Variants in DNAH11 observed in about 807,000 individuals in gnomAD.
The protein encoded by DNAH11 is dynein axonemal heavy chain 11, also known as axonemal beta dynein heavy chain 11.
DNAH11 carries 442 observed loss-of-function variants against 526.0 expected under a neutral mutation model. The observed-to-expected ratio is 0.84, with a 90% CI of 0.78 to 0.91. The LOEUF is 0.91. DNAH11 is among the 40% of genes least tolerant of loss of function. The probability of loss-of-function intolerance (pLI) is 0.00; values close to 1 mark genes in which losing one functional copy is unlikely to be tolerated. For synonymous variants in DNAH11, 2,461 were observed against 1,935.9 expected (o/e 1.27, Z -7.12); for missense variants, 6,989 against 5,448.7 (o/e 1.28, Z -8.90).
chr7:21,568,501 C>T (rs892316293), intron 6 of DNAH11, among the ~76,000 whole-genome samples: 1 of 152,128 alleles, frequency 6.6e-6, no homozygotes, highest in Admixed American at 6.6e-5. Flanking sequence ...CCAGCCCCTG[C>T]GTCGGGTCAT....
chr7:21,658,029 A>C (rs1404873858), intron 29 of DNAH11, among the ~76,000 whole-genome samples: 2 of 152,166 alleles, frequency 1.3e-5, no homozygotes, highest in Non-Finnish European at 2.9e-5. Flanking sequence ...TTTGCAAATA[A>C]TATATGTATC....
intron 28 of DNAH11, among the ~76,000 whole-genome samples, chr7:21,643,577 A>G (rs1426195989): frequency 6.6e-6 from 1 of 152,206 alleles, no homozygotes; most frequent in Non-Finnish European, 1.5e-5. Flanking sequence ...CAGCTAAGGA[A>G]CTGACTTTTT....
chr7:21,651,863 GCAT>G (rs1781792636), intron 28 of DNAH11, among the ~76,000 whole-genome samples: 3 of 152,236 alleles, frequency 2.0e-5, no homozygotes, highest in South Asian at 4.1e-4. Flanking sequence ...TAACAGATGT[GCAT>G]CATCATCAGT....
Position 21,570,167 on chromosome 7 carries a change from A to C in DNAH11, c.1293A>C (p.Lys431Asn), listed in dbSNP as rs900712695. ...CTGTTAACATCTTAAAGACTTTCAAAAACTCCTTTTTCAACTATAGAAAAA... is the reference window on the plus strand; with the variant it reads ...CTGTTAACATCTTAAAGACTTTCAACAACTCCTTTTTCAACTATAGAAAAA... ...QVAVNILKTF[K>N]NSFFNYRKKL... is the part of the protein sequence containing the mutation. Residue 431 changes from lysine (K) to asparagine (N), a missense_variant, in exon 7 of 82, where the codon AAA (lysine) becomes AAC (asparagine). Physicochemically the swap from Lys to Asn is moderately conservative, Grantham distance 94. Coordinates refer to ENST00000409508, the MANE Select transcript of DNAH11 (RefSeq NM_001277115.2). 6.2e-7 allele frequency: 1 copy of C among 1,613,510 alleles called. No homozygotes were observed.
chr7:21,857,300 TG>T (rs1782889166), intron 68 of DNAH11, among the ~76,000 whole-genome samples: 2 of 152,154 alleles, frequency 1.3e-5, no homozygotes, highest in South Asian at 4.1e-4. Context: ...TCCAAAATAT[TG>T]TTGAGAAAAA....
intron 65 of DNAH11, among the ~76,000 whole-genome samples, chr7:21,841,888 G>A (rs1782217154): frequency 6.6e-6 from 1 of 152,286 alleles, no homozygotes; most frequent in African/African-American, 2.4e-5. Flanking sequence ...GTGGTAGGAG[G>A]TGCTGCTTAA....
intron 77 of DNAH11, among the ~76,000 whole-genome samples, chr7:21,893,739 C>A (rs1784409927): frequency 6.6e-6 from 1 of 152,136 alleles, no homozygotes; most frequent in African/African-American, 2.4e-5. Flanking sequence ...TTCAGAGCAA[C>A]AATTACAGAA....
intron 30 of DNAH11, among the ~76,000 whole-genome samples, chr7:21,676,539 C>T (rs898996185): frequency 6.6e-6 from 1 of 152,166 alleles, no homozygotes; most frequent in Non-Finnish European, 1.5e-5. Context: ...AAGGTTTAAT[C>T]TTGATACACA....
chr7:21,627,290 G>T (rs1786385664), intron 25 of DNAH11, among the ~76,000 whole-genome samples: 1 of 152,054 alleles, frequency 6.6e-6, no homozygotes, highest in Non-Finnish European at 1.5e-5. Context: ...GATCCTGTTT[G>T]CCCAGTTTTG....
At position 21,698,196 on chromosome 7, in the gene DNAH11, G is replaced by A; in HGVS notation, c.6163G>A (p.Glu2055Lys). 1 of 1,613,472 alleles carries A rather than the reference G, an allele frequency of 6.2e-7. No individual in the cohort carries two copies. Among genetic ancestry groups the A allele is most frequent in the South Asian group, 1.1e-5 (1 of 90,988 alleles). The part of the protein sequence containing the change: ...KFITLYTLCK[E>K]LLSKQDHYDW... ...CATTACGTTGTACACGCTTTGCAAG[G>A]AGCTTCTCTCCAAGCAGGTGAGGGA... Residue 2055 changes from glutamate to lysine, a missense_variant, in exon 36 of 82, where the codon GAG becomes AAG. Coordinates refer to ENST00000409508, the MANE Select transcript of DNAH11 (RefSeq NM_001277115.2).
chr7:21,674,895 T>C (rs181941279), intron 30 of DNAH11, among the ~76,000 whole-genome samples: 1 of 152,206 alleles, frequency 6.6e-6, no homozygotes, highest in African/African-American at 2.4e-5. Context: ...ACTTCACTAG[T>C]TGCTCACACT....
chr7:21,721,150 C>G lies in DNAH11; in HGVS notation c.7266+294C>G, dbSNP rs2965417. Among the ~76,000 whole-genome samples the G allele has an allele frequency of 5.0e-3, 767 of 152,326 alleles. 3 individuals carry two copies. Among genetic ancestry groups the G allele is most frequent in the Admixed American group, 7.4e-3 (114 of 15,304 alleles). On this transcript the variant is annotated intron_variant, in intron 44 of 81. Transcript: ENST00000409508. ...CAGCATGCTGTTCTACAAGAAGCCC[C>G]ACTCAGTGTGCCTGAGACAGATCTC...
intron 65 of DNAH11, among the ~76,000 whole-genome samples, chr7:21,824,164 A>T (rs1274492225): frequency 6.6e-6 from 1 of 152,192 alleles, no homozygotes; most frequent in Admixed American, 6.5e-5. Context: ...TAGGAGGAGT[A>T]TTTTGGGTTT....
In DNAH11 at chr7:21,658,790, T is replaced by G; in HGVS notation, c.5095-8T>G. Reference sequence around the variant, plus strand: ...CCTGTGTTATAACATTTCAACTTGCTTCCAAAGGTGGAAACATGGCTTCTG... The same window carrying G: ...CCTGTGTTATAACATTTCAACTTGCGTCCAAAGGTGGAAACATGGCTTCTG... On this transcript the variant is annotated splice_region_variant and splice_polypyrimidine_tract_variant and intron_variant, in intron 29 of 81. Coordinates refer to ENST00000409508, the MANE Select transcript of DNAH11 (RefSeq NM_001277115.2). The G allele has an allele frequency of 6.4e-7, 1 of 1,558,976 alleles. No homozygotes were observed. Among genetic ancestry groups the G allele is most frequent in the Non-Finnish European group, 8.7e-7 (1 of 1,150,274 alleles).
intron 74 of DNAH11, among the ~76,000 whole-genome samples, chr7:21,876,182 C>G (rs908968021): frequency 1.3e-5 from 2 of 151,996 alleles, no homozygotes; most frequent in African/African-American, 4.8e-5. Flanking sequence ...CGCACCTGGC[C>G]CAAGGAAGAA....
intron 59 of DNAH11, among the ~76,000 whole-genome samples, 168 bp from the exon 60 acceptor site, chr7:21,787,233 A>T (rs999986217): frequency 1.3e-5 from 2 of 152,228 alleles, no homozygotes; most frequent in Non-Finnish European, 2.9e-5. Context: ...TCCATTGCTA[A>T]TTCTGACTTC....
intron 25 of DNAH11, among the ~76,000 whole-genome samples, chr7:21,634,032 AAC>A (rs1435270612): frequency 6.6e-6 from 1 of 152,240 alleles, no homozygotes; most frequent in Non-Finnish European, 1.5e-5. Context: ...TTATAGTGTT[AAC>A]ATCTCTTCAG....
chr7:21,582,718 C>G (rs915599121), intron 9 of DNAH11, among the ~76,000 whole-genome samples: 3 of 151,982 alleles, frequency 2.0e-5, no homozygotes, highest in African/African-American at 7.2e-5. Flanking sequence ...AAAAAAATCA[C>G]AAATCAAGTA....
At chr7:21,661,879 G>A (rs6970934) in intron 30 of DNAH11, among the ~76,000 whole-genome samples, 12,392 of 152,040 alleles carry the variant, frequency 0.082, 587 homozygotes, top group South Asian at 0.12. Flanking sequence ...GAGTGCAATG[G>A]CACAATCTCA....
Sources: allele counts gnomAD v4.1 joint callset (sites outside exome capture counted in the v4.1 genomes callset), GRCh38; gene constraint gnomAD v4.1.1; transcripts MANE v1.5; gene names NCBI Gene and HGNC (gene_info 2026-07-23, HGNC 2026-07-21).